Variants in TMC6 observed in about 807,000 individuals in gnomAD.
TMC6 encodes transmembrane channel like 6.
A neutral mutation model predicts 95.4 loss-of-function variants in TMC6; 71 were observed. That is an observed-to-expected ratio of 0.74 (90% CI 0.61 to 0.91). TMC6 has a LOEUF of 0.91. TMC6 is among the 40% of genes least tolerant of loss of function. The pLI is 0.00. For synonymous variants in TMC6, 514 were observed against 483.1 expected, an observed-to-expected ratio of 1.06 and a Z score of -0.84; for missense variants, 1,074 against 1,079.1, an observed-to-expected ratio of 1.00 and a Z score of 0.07.
chr17:78,127,203 G>A (rs1425816024), intron 1 of TMC6, among the ~76,000 whole-genome samples: 1 of 152,186 alleles, frequency 6.6e-6, no homozygotes. Context: ...AAGAGGTAGG[G>A]TGCCTGTAGA....
At position 78,119,266 on chromosome 17, in the gene TMC6, A is replaced by G. The variant is rs1456933902; in HGVS notation, c.1811+31T>C. The stretch of plus-strand genomic sequence containing the variant: ...GGAAAGGGGCACTGACCGAGGGGCC[A>G]GACAGTAGGAGGCAAGCAGAGGACC... On this transcript the variant is annotated intron_variant, in intron 14 of 19. Coordinates refer to ENST00000590602, the MANE Select transcript of TMC6 (RefSeq NM_001127198.5). 8.7e-6 allele frequency: 14 copies of G among 1,611,780 alleles called. No homozygotes were observed. In the East Asian group the frequency reaches 3.1e-4, roughly 36 times the overall value.
chr17:78,125,403 A>C, intron 5 of TMC6, 140 bp from the exon 6 acceptor site: 2 of 837,198 alleles, frequency 2.4e-6, no homozygotes, highest in Non-Finnish European at 3.9e-6. Context: ...TTCAGTCGCC[A>C]ATCAGCCGTG....
intron 18 of TMC6, among the ~76,000 whole-genome samples, chr17:78,116,914 T>C (rs1456034735): frequency 6.6e-6 from 1 of 152,120 alleles, no homozygotes; most frequent in Non-Finnish European, 1.5e-5. Flanking sequence ...ACTCTCAACC[T>C]TAATCCACCT....
rs1298168082 is a variant in TMC6, at chr17:78,122,681, A to G, written c.1151T>C (p.Phe384Ser). 3.7e-6 allele frequency: 6 copies of G among 1,612,002 alleles called. No individual in the cohort carries two copies. The Admixed American group carries it at 1.0e-4, about 27-fold the overall frequency. ...STSGIHAITV[F>S]CSWDYKVTQK... is the part of the protein sequence containing the mutation. The stretch of plus-strand genomic sequence containing the variant: ...CGTCACCTTGTAGTCCCAGGAGCAG[A>G]AGACGGTGATGGCGTGGATGCCAGA... The change falls in exon 10 of 20, where the codon TTC becomes TCC. Residue 384 changes from phenylalanine to serine, a missense_variant. Transcript: ENST00000590602. This position sits in a 1 kb window ranked among gnomAD's most constrained non-coding sequence, Gnocchi z 4.9.
rs1448786392 is a variant in TMC6 at position 78,124,791 on chromosome 17, C to T, written c.634-10G>A. Reference sequence around the variant, plus strand: ...CCAGGCTGTGCAAGGCCTGCGGGCACAGGCAGAGAGGCCCTGAGGGTGAGG... The same window carrying T: ...CCAGGCTGTGCAAGGCCTGCGGGCATAGGCAGAGAGGCCCTGAGGGTGAGG... On this transcript the variant is annotated splice_polypyrimidine_tract_variant and intron_variant, in intron 7 of 19. Coordinates refer to ENST00000590602, the MANE Select transcript of TMC6 (RefSeq NM_001127198.5). The T allele has an allele frequency of 6.3e-7, 1 of 1,579,924 alleles. No individual in the cohort carries two copies. Among genetic ancestry groups the T allele is most frequent in the Non-Finnish European group, 8.6e-7 (1 of 1,163,770 alleles).
Position 78,119,416 on chromosome 17 carries a change from T to C in TMC6, c.1716-24A>G, listed in dbSNP as rs745578396. On this transcript the variant is annotated intron_variant, in intron 13 of 19. Coordinates refer to ENST00000590602, the MANE Select transcript of TMC6 (RefSeq NM_001127198.5). ...TCCTGCCTCCGAGGACCCCGGATCG[T>C]TAGATGGGAAAGCCATGCCCAGGGA... 3.1e-6 allele frequency: 5 copies of C among 1,612,638 alleles called. No homozygotes were observed. In the Admixed American group the frequency reaches 8.3e-5, roughly 27 times the overall value.
Position 78,109,672 on chromosome 17 carries a change from C to T in TMC6, c.*3476G>A, listed in dbSNP as rs1422282951. 4.8e-6 allele frequency: 2 copies of T among 416,536 alleles called. No individual in the cohort carries two copies. Among genetic ancestry groups the T allele is most frequent in the East Asian group, 7.1e-5 (1 of 14,144 alleles). 25.8% of individuals were successfully genotyped at this position (416,536 alleles called of 1,614,324 possible). Reference sequence around the variant, plus strand: ...TTCCGAAGCCCCCCAAGCCCACGGGCGTGAGTGCATGCATGCGTTTGTGAC... The same window carrying T: ...TTCCGAAGCCCCCCAAGCCCACGGGTGTGAGTGCATGCATGCGTTTGTGAC... On this transcript the variant is annotated 3_prime_UTR_variant, in exon 20 of 20. Transcript: ENST00000590602.
chr17:78,132,122 T>A, upstream of TMC6: 1 of 1,520,328 alleles, frequency 6.6e-7, no homozygotes, highest in Non-Finnish European at 8.8e-7. Flanking sequence ...CCCACCTGCC[T>A]TCACCCGGGT....
At position 78,117,510 on chromosome 17, in the gene TMC6, A is replaced by C. The variant is rs2145070307; in HGVS notation, c.2156T>G (p.Met719Arg). 6.2e-7 allele frequency: 1 copy of C among 1,607,740 alleles called. No homozygotes were observed. Among genetic ancestry groups the C allele is most frequent in the Non-Finnish European group, 8.5e-7 (1 of 1,178,396 alleles). ...SWLPWVHRYL[M>R]ENTFFVFLVS... ...CAGGAAGACAAAGAAGGTGTTTTCC[A>C]TCAGGTACCGGTGCACCCAGGGCAG... The change falls in exon 17 of 20, where the codon ATG becomes AGG. Residue 719 changes from methionine to arginine, a missense_variant. Met to Arg is a moderately conservative substitution (Grantham distance 91). Coordinates refer to ENST00000590602, the MANE Select transcript of TMC6 (RefSeq NM_001127198.5).
In TMC6 at chr17:78,122,324, G is replaced by A. The variant is rs764929165; in HGVS notation, c.1227+281C>T. ...GGAGCATGTGCCAGCTGGGGCCTGA[G>A]GCCTCAGGGCTGGCTCCCGGGTGCC... On this transcript the variant is annotated intron_variant, in intron 10 of 19. Coordinates refer to ENST00000590602, the MANE Select transcript of TMC6 (RefSeq NM_001127198.5). This position sits in a 1 kb window ranked among gnomAD's most constrained non-coding sequence, Gnocchi z 4.9. 6.6e-6 allele frequency among the ~76,000 whole-genome samples: 1 copy of A among 152,030 alleles called. No individual in the cohort carries two copies. The highest frequency in any genetic ancestry group is 1.5e-5 in the Non-Finnish European group (1 of 67,986).
Position 78,113,562 on chromosome 17 carries a change from C to T in TMC6, c.2340G>A (p.Arg780=), listed in dbSNP as rs1385583530. The T allele has an allele frequency of 2.5e-6, 4 of 1,614,008 alleles. No homozygotes were observed. In the Admixed American group the frequency reaches 6.7e-5, roughly 27 times the overall value. The change falls in exon 19 of 20, where the codon AGG becomes AGA. Residue 780 remains arginine (R), a synonymous_variant. Transcript: ENST00000590602. ...CGGACCCTCACCTGCTCCTCTCCTC[C>T]CTCTCCTTCCTCTCGTAGATGGAGT... ...KLHSIYERKE[R]EERSRVGTTE...
chr17:78,127,423 A>AG (rs1309754605), intron 1 of TMC6, among the ~76,000 whole-genome samples: 1 of 152,144 alleles, frequency 6.6e-6, no homozygotes, highest in Non-Finnish European at 1.5e-5. Flanking sequence ...CCACACACAG[A>AG]GGTCACTCCA....
upstream of TMC6, among the ~76,000 whole-genome samples, chr17:78,129,172 G>A (rs559526674): frequency 1.6e-4 from 24 of 151,892 alleles, no homozygotes; most frequent in East Asian, 5.9e-4. This position sits in a 1 kb window ranked among gnomAD's most constrained non-coding sequence, Gnocchi z 4.3. Context: ...ACCCCGGCGG[G>A]GGGAGCCTGG....
In TMC6 at chr17:78,108,704, G is replaced by A. The variant is rs2073757063; in HGVS notation, c.*4444C>T. The A allele has an allele frequency of 6.5e-6, 1 of 154,422 alleles. No individual in the cohort carries two copies. The highest frequency in any genetic ancestry group is 1.5e-5 in the Non-Finnish European group (1 of 68,224). The allele number at this position is 154,422 out of a possible 1,614,324, so 9.6% of individuals were successfully genotyped here. A position where few individuals can be genotyped will look rare whatever the true frequency, so the allele number is the denominator to read the frequency against. On this transcript the variant is annotated 3_prime_UTR_variant, in exon 20 of 20. Transcript: ENST00000590602. ...ACGCAAAGACCTCGTGGGCCTGGGT[G>A]TCCAGGGCACCATTTCCACCCATGG...
At chr17:78,118,073 CA>C in intron 15 of TMC6, 138 bp from the exon 16 acceptor site, 1 of 1,434,600 alleles carries the variant, frequency 7.0e-7, no homozygotes, top group Non-Finnish European at 9.3e-7. Context: ...GCAGCCTCCT[CA>C]TTTACAGAGG....
chr17:78,131,636 G>A (rs1188075422), upstream of TMC6: 5 of 1,555,414 alleles, frequency 3.2e-6, no homozygotes, highest in South Asian at 2.4e-5. Context: ...CTGGGGTGCC[G>A]GAGCCGGAGG....
chr17:78,119,691 G>A (rs2074312921), intron 13 of TMC6: 1 of 458,114 alleles, frequency 2.2e-6, no homozygotes, highest in Non-Finnish European at 4.0e-6. Flanking sequence ...CTGGAGCACA[G>A]TGACGCAATC....
rs952965924 is a variant in TMC6 at position 78,122,888 on chromosome 17, C to CCA, written c.1083-141_1083-140dup. On this transcript the variant is annotated intron_variant, in intron 9 of 19. Coordinates refer to ENST00000590602, the MANE Select transcript of TMC6 (RefSeq NM_001127198.5). The surrounding 1 kb of genome is among the most constrained non-coding windows in gnomAD (Gnocchi z 4.9). ...ATCTGGGCCCTGACTGGGCCTCCTG[C>CCA]CACACCCCTGCCCCACCACCAGCCC... The CCA allele has an allele frequency of 1.6e-5, 19 of 1,189,570 alleles. No homozygotes were observed. In the African/African-American group the frequency reaches 2.6e-4, roughly 16 times the overall value. The allele number at this position is 1,189,570 out of a possible 1,614,324, so 73.7% of individuals were successfully genotyped here. A position where few individuals can be genotyped will look rare whatever the true frequency, so the allele number is the denominator to read the frequency against.
At chr17:78,129,515 C>G (rs894268717), upstream of TMC6, among the ~76,000 whole-genome samples, 1 of 152,170 alleles carries the variant, frequency 6.6e-6, no homozygotes, top group Non-Finnish European at 1.5e-5. The surrounding 1 kb of genome is among the most constrained non-coding windows in gnomAD (Gnocchi z 4.3). Flanking sequence ...TACCCCCCAC[C>G]CCAAGCCCAT....
Sources: gnomAD v4.1 joint callset for allele counts (sites outside exome capture counted in the v4.1 genomes callset) on GRCh38, gnomAD v4.1.1 for gene constraint, Gnocchi (gnomAD v3.1) non-coding constraint, MANE v1.5 for transcripts, NCBI Gene and HGNC (gene_info 2026-07-23, HGNC 2026-07-21) for gene names.